Variants in ARID5B observed in about 807,000 individuals in gnomAD.
ARID5B encodes AT-rich interaction domain 5B.
In ARID5B, 13 loss-of-function variants were observed where a neutral mutation model predicts 97.2. The observed-to-expected ratio is 0.13, with a 90% CI of 0.09 to 0.21. The LOEUF is 0.21. Among genes scored for constraint, ARID5B ranks in the 10% least tolerant of loss-of-function variants. The pLI is 1.00. For synonymous variants in ARID5B, 556 were observed against 570.3 expected (o/e 0.97, Z 0.36); for missense variants, 1,210 against 1,465.3 (o/e 0.83, Z 2.84).
In ARID5B at chr10:62,024,939, C is replaced by T; in HGVS notation, c.733+24618C>T. 9.9e-6 allele frequency: 3 copies of T among 303,740 alleles called. No homozygotes were observed. In the East Asian group the frequency reaches 1.4e-4, roughly 14 times the overall value. 18.8% of individuals were successfully genotyped at this position (303,740 alleles called of 1,614,324 possible). On this transcript the variant is annotated intron_variant, in intron 4 of 9. Transcript: ENST00000279873. ...GCTACTTGATTACTACATATAAGTGCCCTACTGGAAGCAGTGCTATAAGTA... is the reference window on the plus strand; with the variant it reads ...GCTACTTGATTACTACATATAAGTGTCCTACTGGAAGCAGTGCTATAAGTA...
In ARID5B at chr10:62,092,591, A is replaced by G. The variant is rs200691666; in HGVS notation, c.3128A>G (p.Lys1043Arg). ...PLDPSKEVSG[K>R]EKASEQESEG... ...GACCCATCCAAGGAGGTCTCTGGGA[A>G]GGAGAAGGCCTCTGAGCAGGAGAGT... Residue 1043 changes from lysine (K) to arginine (R), a missense_variant, in exon 10 of 10, where the codon AAG becomes AGG. Coordinates refer to ENST00000279873, the MANE Select transcript of ARID5B (RefSeq NM_032199.3). 2.3e-4 allele frequency: 379 copies of G among 1,614,184 alleles called. No individual in the cohort carries two copies. In the East Asian group the frequency reaches 8.4e-3, roughly 36 times the overall value.
chr10:62,062,197 C>T (rs1839929650), intron 7 of ARID5B, among the ~76,000 whole-genome samples: 1 of 152,186 alleles, frequency 6.6e-6, no homozygotes, highest in South Asian at 2.1e-4. Flanking sequence ...AGTCTGAAGG[C>T]TTAAGCTGTC....
intron 2 of ARID5B, among the ~76,000 whole-genome samples, chr10:61,929,595 T>A (rs928359268): frequency 6.6e-5 from 10 of 152,232 alleles, no homozygotes; most frequent in Non-Finnish European, 1.3e-4. Context: ...CAGACGTAGA[T>A]GGCTCACAGG....
chr10:61,938,190 T>C (rs1453615924), intron 2 of ARID5B, among the ~76,000 whole-genome samples: 1 of 152,222 alleles, frequency 6.6e-6, no homozygotes, highest in African/African-American at 2.4e-5. Flanking sequence ...TATTTTCTCT[T>C]GGTTAATATA....
intron 8 of ARID5B, among the ~76,000 whole-genome samples, chr10:62,078,327 A>G (rs67907809): frequency 0.067 from 10,244 of 152,180 alleles, 450 homozygotes; most frequent in Non-Finnish European, 0.1. Context: ...TATCTCTACT[A>G]AAAATAAAAA....
chr10:61,990,416 T>A (rs1838908026), intron 3 of ARID5B, among the ~76,000 whole-genome samples: 1 of 152,254 alleles, frequency 6.6e-6, no homozygotes, highest in Non-Finnish European at 1.5e-5. Context: ...ACAGTCATGT[T>A]GGGCAGATAA....
Position 62,094,240 on chromosome 10 carries a change from G to A in ARID5B, c.*1210G>A, listed in dbSNP as rs1404768029. The A allele has an allele frequency of 4.3e-6, 1 of 231,914 alleles. No homozygotes were observed. The highest frequency in any genetic ancestry group is 1.8e-4 in the South Asian group (1 of 5,512). The allele number at this position is 231,914 out of a possible 1,614,324, so 14.4% of individuals were successfully genotyped here. A position where few individuals can be genotyped will look rare whatever the true frequency, so the allele number is the denominator to read the frequency against. On this transcript the variant is annotated 3_prime_UTR_variant, in exon 10 of 10. Transcript: ENST00000279873. ...TAAATGGTCTGGGAAAGGGGGTTGG[G>A]AAGAGGATGGAGCTCAACTGGCCAG...
At chr10:61,959,585 A>G (rs1162846266) in intron 3 of ARID5B, among the ~76,000 whole-genome samples, 1 of 152,208 alleles carries the variant, frequency 6.6e-6, no homozygotes, top group Non-Finnish European at 1.5e-5. Context: ...CAAAATCTGC[A>G]TGCAGAATTT....
chr10:61,940,322 A>G lies in ARID5B; in HGVS notation c.416A>G (p.Gln139Arg). ...ACTGAGGCCTTGGGAAGGAATGGAC[A>G]GAAGGAAGCTCTGCTGAAGTACAGG... ...VKTEALGRNG[Q>R]KEALLKYRQS... Residue 139 changes from glutamine to arginine, a missense_variant, in exon 3 of 10, where the codon CAG becomes CGG. Coordinates refer to ENST00000279873, the MANE Select transcript of ARID5B (RefSeq NM_032199.3). The G allele has an allele frequency of 6.2e-7, 1 of 1,614,182 alleles. No individual in the cohort carries two copies. The highest frequency in any genetic ancestry group is 1.1e-5 in the South Asian group (1 of 91,082).
intron 3 of ARID5B, among the ~76,000 whole-genome samples, chr10:61,968,138 CAAT>C (rs1564615718): frequency 7.0e-6 from 1 of 143,198 alleles, no homozygotes; most frequent in Non-Finnish European, 1.5e-5. Context: ...TAGTGTGCCA[CAAT>C]AATAATACAT....
At chr10:61,917,366 G>A (rs552778301) in intron 2 of ARID5B, among the ~76,000 whole-genome samples, 2 of 151,812 alleles carry the variant, frequency 1.3e-5, no homozygotes, top group Non-Finnish European at 2.9e-5. Context: ...TCGCTCTGTC[G>A]CCCAGGCTGG....
At chr10:61,990,245 C>T (rs1838905460) in intron 3 of ARID5B, among the ~76,000 whole-genome samples, 1 of 152,212 alleles carries the variant, frequency 6.6e-6, no homozygotes, top group African/African-American at 2.4e-5. Context: ...CAGATGTTAG[C>T]TCCCAGAAGT....
chr10:62,018,742 A>C (rs567679513), intron 4 of ARID5B, among the ~76,000 whole-genome samples: 2 of 151,826 alleles, frequency 1.3e-5, no homozygotes, highest in Non-Finnish European at 2.9e-5. Context: ...TTTTGCATTA[A>C]TGAAAGTTGG....
At chr10:61,952,261 GTC>G (rs967534760) in intron 3 of ARID5B, among the ~76,000 whole-genome samples, 16 of 152,150 alleles carry the variant, frequency 1.1e-4, no homozygotes, top group Admixed American at 9.8e-4. Context: ...CTTTCTAGGA[GTC>G]CTACCTGTGG....
chr10:61,903,838 G>T (rs1056074381), intron 2 of ARID5B, among the ~76,000 whole-genome samples: 1 of 151,740 alleles, frequency 6.6e-6, no homozygotes, highest in Non-Finnish European at 1.5e-5. Context: ...CGAAACGTTC[G>T]CCCTCGAATC....
intron 3 of ARID5B, among the ~76,000 whole-genome samples, chr10:61,982,038 A>AGGG (rs1838784051): frequency 1.3e-5 from 2 of 152,168 alleles, no homozygotes; most frequent in Non-Finnish European, 2.9e-5. Flanking sequence ...ATTTAAATCA[A>AGGG]TGTAATGAGA....
At chr10:61,911,829 A>T (rs1365580413) in intron 2 of ARID5B, among the ~76,000 whole-genome samples, 2 of 152,098 alleles carry the variant, frequency 1.3e-5, no homozygotes, top group Middle Eastern at 3.2e-3. Flanking sequence ...CATGCTCCTT[A>T]AGGAAGGTTC....
chr10:61,909,318 G>GTTGT (rs1554836571), intron 2 of ARID5B, among the ~76,000 whole-genome samples: 1 of 77,260 alleles, frequency 1.3e-5, no homozygotes, highest in East Asian at 4.0e-4. Context: ...TATTCAGTGA[G>GTTGT]TTTTTTTTTT....
intron 3 of ARID5B, among the ~76,000 whole-genome samples, chr10:61,966,968 G>A (rs1005164078): frequency 2.6e-5 from 4 of 151,920 alleles, no homozygotes; most frequent in East Asian, 1.9e-4. Context: ...TTTCTCACTA[G>A]CAGTACTCTG....
Sources: gnomAD v4.1 joint callset for allele counts (sites outside exome capture counted in the v4.1 genomes callset) on GRCh38, gnomAD v4.1.1 for gene constraint, MANE v1.5 for transcripts, NCBI Gene and HGNC (gene_info 2026-07-23, HGNC 2026-07-21) for gene names.